CDS1: variants seen among roughly 807,000 people sequenced by gnomAD.
CDS1 encodes the protein CDP-diacylglycerol synthase 1, also known as phosphatidate cytidylyltransferase 1.
Under a neutral mutation model 62.1 loss-of-function variants are expected in CDS1, and 41 were observed. The ratio of observed to expected loss-of-function variants is 0.66; its 90% CI spans 0.51 to 0.86. The LOEUF (loss-of-function observed/expected upper bound fraction) is 0.86. Among genes scored for constraint, CDS1 ranks in the 40% least tolerant of loss-of-function variants. CDS1 has a pLI of 0.00. For missense variants in CDS1, 470 were observed against 550.1 expected, an observed-to-expected ratio of 0.85 and a Z score of 1.46; for synonymous variants, 185 against 192.6, an observed-to-expected ratio of 0.96 and a Z score of 0.32.
At chr4:84,596,593 A>C (rs188304034) in intron 1 of CDS1, among the ~76,000 whole-genome samples, 3 of 152,316 alleles carry the variant, frequency 2.0e-5, no homozygotes, top group Admixed American at 6.5e-5. Context: ...ATCCAGGATA[A>C]GCTCACCACG....
intron 2 of CDS1, among the ~76,000 whole-genome samples, chr4:84,608,577 G>C (rs1000389332): frequency 8.5e-5 from 13 of 152,204 alleles, no homozygotes; most frequent in African/African-American, 3.1e-4. Context: ...CTCAGTGGCT[G>C]ACCTCTTAGG....
At chr4:84,644,257 T>G (rs1724483944) in intron 11 of CDS1, among the ~76,000 whole-genome samples, 1 of 152,144 alleles carries the variant, frequency 6.6e-6, no homozygotes, top group Non-Finnish European at 1.5e-5. Context: ...GGGCAGACAA[T>G]ACACTTCCCC....
chr4:84,597,219 T>C (rs376394637), intron 1 of CDS1, among the ~76,000 whole-genome samples: 3 of 152,120 alleles, frequency 2.0e-5, no homozygotes, highest in South Asian at 4.1e-4. Context: ...GGAGAAAGAT[T>C]TGGGGACGAG....
intron 1 of CDS1, among the ~76,000 whole-genome samples, chr4:84,589,045 T>G (rs1352788203): frequency 1.3e-5 from 2 of 152,126 alleles, no homozygotes; most frequent in Non-Finnish European, 2.9e-5. Context: ...CAAGATAGAG[T>G]TGGTTAGGTC....
intron 1 of CDS1, among the ~76,000 whole-genome samples, chr4:84,588,249 T>C (rs914610399): frequency 1.3e-5 from 2 of 152,168 alleles, no homozygotes; most frequent in Non-Finnish European, 2.9e-5. Context: ...CTTAGGGATT[T>C]TGGTTTGTGA....
chr4:84,605,573 G>A (rs1286026658), intron 2 of CDS1, among the ~76,000 whole-genome samples: 1 of 151,616 alleles, frequency 6.6e-6, no homozygotes, highest in African/African-American at 2.4e-5. Context: ...AATAGTTCTT[G>A]TTCCCAGTTG....
intron 1 of CDS1, among the ~76,000 whole-genome samples, chr4:84,583,776 G>T (rs1174179308): frequency 6.6e-6 from 1 of 152,140 alleles, no homozygotes; most frequent in Non-Finnish European, 1.5e-5. Context: ...TTACAGTTTA[G>T]CTTCATCCTC....
At chr4:84,590,517 A>G (rs1722561932) in intron 1 of CDS1, among the ~76,000 whole-genome samples, 2 of 152,258 alleles carry the variant, frequency 1.3e-5, no homozygotes, top group Admixed American at 6.5e-5. Context: ...AGATACTACC[A>G]TAGAATGTCA....
chr4:84,626,748 C>T (rs1723873535), intron 5 of CDS1, among the ~76,000 whole-genome samples: 1 of 152,152 alleles, frequency 6.6e-6, no homozygotes, highest in African/African-American at 2.4e-5. Context: ...CCATGGTGTA[C>T]CTCTCTTGTT....
At chr4:84,629,432 C>G (rs969712514) in intron 5 of CDS1, among the ~76,000 whole-genome samples, 2 of 151,394 alleles carry the variant, frequency 1.3e-5, no homozygotes, top group Non-Finnish European at 2.9e-5. Flanking sequence ...GTCATTATCC[C>G]CTGAAAAATA....
chr4:84,639,128 A>C, intron 9 of CDS1, 136 bp downstream of exon 9: 1 of 345,476 alleles, frequency 2.9e-6, no homozygotes, highest in Non-Finnish European at 5.2e-6. Context: ...GAAAAGAACC[A>C]GTTCTGTACC....
intron 8 of CDS1, among the ~76,000 whole-genome samples, chr4:84,638,359 T>C (rs1173062857): frequency 1.3e-5 from 2 of 152,178 alleles, no homozygotes; most frequent in Non-Finnish European, 2.9e-5. Flanking sequence ...ATGTCAATAC[T>C]TGAGCAAATA....
intron 3 of CDS1, among the ~76,000 whole-genome samples, chr4:84,612,887 G>A (rs1187529565): frequency 1.3e-5 from 2 of 151,562 alleles, no homozygotes; most frequent in Non-Finnish European, 2.9e-5. Context: ...TACTTGGGAG[G>A]CTGAGGCAGG....
chr4:84,598,455 T>C (rs1722825109), intron 1 of CDS1, among the ~76,000 whole-genome samples: 1 of 151,728 alleles, frequency 6.6e-6, no homozygotes, highest in Admixed American at 6.6e-5. Context: ...AGGGTACATG[T>C]GCACAACGTG....
rs1330473459 is a variant in CDS1 at position 84,649,368 on chromosome 4, C to T, written c.*682C>T. The T allele has an allele frequency of 6.6e-6, 1 of 152,160 alleles. No homozygotes were observed. The highest frequency in any genetic ancestry group is 1.5e-5 in the Non-Finnish European group (1 of 68,050). 9.4% of individuals were successfully genotyped at this position (152,160 alleles called of 1,614,324 possible). On this transcript the variant is annotated 3_prime_UTR_variant, in exon 13 of 13. Coordinates refer to ENST00000295887, the MANE Select transcript of CDS1 (RefSeq NM_001263.4). The stretch of plus-strand genomic sequence containing the variant: ...ATAAAATTGTTTGGAAGGTCACGAC[C>T]TCGCAAAAACTTTTCAAGAGCAACA...
At chr4:84,647,850 T>C (rs1724602491) in intron 12 of CDS1, among the ~76,000 whole-genome samples, 1 of 152,214 alleles carries the variant, frequency 6.6e-6, no homozygotes, top group Non-Finnish European at 1.5e-5. Flanking sequence ...ATCTTTACTG[T>C]AAGGCATACA....
intron 4 of CDS1, among the ~76,000 whole-genome samples, chr4:84,618,119 A>G (rs947666469): frequency 2.6e-5 from 4 of 152,198 alleles, no homozygotes; most frequent in African/African-American, 9.6e-5. Flanking sequence ...AACATTTAAA[A>G]TTTTATATCT....
At chr4:84,608,233 G>A (rs1286132134) in intron 2 of CDS1, among the ~76,000 whole-genome samples, 3 of 152,210 alleles carry the variant, frequency 2.0e-5, no homozygotes, top group Non-Finnish European at 2.9e-5. Flanking sequence ...GAGTGCAGTG[G>A]CGCGATCTTG....
chr4:84,636,950 C>A (rs1724231289), intron 8 of CDS1, among the ~76,000 whole-genome samples: 1 of 152,140 alleles, frequency 6.6e-6, no homozygotes, highest in African/African-American at 2.4e-5. Flanking sequence ...TATATGAATG[C>A]AGTTTTGGAA....
Sources: gnomAD v4.1 joint callset for allele counts (sites outside exome capture counted in the v4.1 genomes callset) on GRCh38, gnomAD v4.1.1 for gene constraint, MANE v1.5 for transcripts, NCBI Gene and HGNC (gene_info 2026-07-23, HGNC 2026-07-21) for gene names.